The following ATAD3C variants were observed in gnomAD, a reference collection of about 807,000 sequenced individuals.
ATAD3C encodes the protein ATPase family AAA domain-containing protein 3C.
A neutral mutation model predicts 46.3 loss-of-function variants in ATAD3C; 38 were observed. The observed-to-expected ratio is 0.82, with a 90% CI of 0.63 to 1.08. ATAD3C has a LOEUF of 1.08. Among genes scored for constraint, ATAD3C ranks in the 50% least tolerant of loss-of-function variants. The pLI, the probability that ATAD3C is intolerant of heterozygous loss-of-function variation, is 0.00. For synonymous variants in ATAD3C, 220 were observed against 236.4 expected, an observed-to-expected ratio of 0.93 and a Z score of 0.63; for missense variants, 563 against 572.7, an observed-to-expected ratio of 0.98 and a Z score of 0.17.
At chr1:1,468,270 C>T in intron 11 of ATAD3C, 114 bp from the exon 12 acceptor site, 1 of 1,448,590 alleles carries the variant, frequency 6.9e-7, no homozygotes, top group Non-Finnish European at 9.1e-7. Context: ...GTGTTTCACG[C>T]TCAGGCCATC....
chr1:1,456,104 G>T, intron 6 of ATAD3C, 121 bp from the exon 7 acceptor site: 1 of 1,424,874 alleles, frequency 7.0e-7, no homozygotes. Context: ...TCTCCTGTCT[G>T]GCAGGCTGTG....
chr1:1,451,892 AC>A (rs1332808784), intron 1 of ATAD3C, among the ~76,000 whole-genome samples, 153 bp from the exon 2 acceptor site: 1 of 151,626 alleles, frequency 6.6e-6, no homozygotes, highest in Non-Finnish European at 1.5e-5. Flanking sequence ...GGCCGATGTC[AC>A]CCGTGTCTGT....
intron 11 of ATAD3C, among the ~76,000 whole-genome samples, chr1:1,468,070 G>A (rs1297622906): frequency 6.6e-6 from 1 of 151,832 alleles, no homozygotes; most frequent in East Asian, 1.9e-4. Flanking sequence ...ACACGCAGAG[G>A]GTCTGCAGTT....
rs1361501654 is a variant in ATAD3C, at chr1:1,457,256, C to A, written c.741+76C>A. The A allele has an allele frequency of 4.4e-6, 7 of 1,597,372 alleles. No individual in the cohort carries two copies. In the African/African-American group the frequency reaches 6.7e-5, roughly 15 times the overall value. ...GCGGCTGTCATCCTGGGCCAGGCCG[C>A]AGCCCACTGCTCAATTTCTTTTTCT... On this transcript the variant is annotated intron_variant, in intron 8 of 11. Transcript: ENST00000378785.
intron 1 of ATAD3C, 25 bp from the exon 2 acceptor site, chr1:1,452,019 TTC>T (rs756359829): frequency 1.2e-6 from 2 of 1,612,642 alleles, no homozygotes; most frequent in Admixed American, 1.7e-5. Context: ...TTAAAGGCTT[TTC>T]TCTTTTTCTG....
Position 1,450,379 on chromosome 1 carries a change from G to T in ATAD3C, c.-305G>T, listed in dbSNP as rs1052155004. 1.0e-4 allele frequency: 31 copies of T among 305,890 alleles called. No individual in the cohort carries two copies. Among genetic ancestry groups the T allele is most frequent in the Non-Finnish European group, 1.7e-4 (28 of 160,052 alleles). 18.9% of individuals were successfully genotyped at this position (305,890 alleles called of 1,614,324 possible). A position where few individuals can be genotyped will look rare whatever the true frequency, so the allele number is the denominator to read the frequency against. On this transcript the variant is annotated 5_prime_UTR_variant, in exon 1 of 12. Transcript: ENST00000378785. ...TGAAAAAATGGACACTTTAGCCATC[G>T]CCTGACTTTCTGTTGAATTGGGAAA...
intron 11 of ATAD3C, among the ~76,000 whole-genome samples, chr1:1,465,415 C>T (rs753237826): frequency 1.3e-5 from 2 of 150,274 alleles, no homozygotes; most frequent in Non-Finnish European, 3.0e-5. Flanking sequence ...CATGGTGAAA[C>T]CCCATCTCTG....
intron 11 of ATAD3C, among the ~76,000 whole-genome samples, chr1:1,463,046 G>A (rs928814333): frequency 2.0e-5 from 3 of 152,102 alleles, no homozygotes; most frequent in African/African-American, 7.2e-5. Context: ...ATGGTCATCA[G>A]GACAGGCCCC....
At position 1,463,110 on chromosome 1, in the gene ATAD3C, A is replaced by G. The variant is rs183396040; in HGVS notation, c.1089+402A>G. ...ACGTTGTGTTTCTTGGACCAAGTCC[A>G]TTGGCTTGGTCCTGCTTGACGGGCC... is the stretch of plus-strand genomic sequence containing the variant. On this transcript the variant is annotated intron_variant, in intron 11 of 11. Coordinates refer to ENST00000378785, the MANE Select transcript of ATAD3C (RefSeq NM_001039211.3). Among the ~76,000 whole-genome samples the G allele has an allele frequency of 3.0e-3, 453 of 152,142 alleles. 5 individuals carry two copies. The highest frequency in any genetic ancestry group is 0.01 in the African/African-American group (428 of 41,538).
rs1289886605 is a variant in ATAD3C, at chr1:1,469,999, C to T, written c.*1469C>T. ...CATTCTCCCCACCCTTGAGAATGTA[C>T]TTTGTGAGATCCATCCCCTGCCCGC... On this transcript the variant is annotated 3_prime_UTR_variant, in exon 12 of 12. Coordinates refer to ENST00000378785, the MANE Select transcript of ATAD3C (RefSeq NM_001039211.3). 6.6e-6 allele frequency: 1 copy of T among 151,948 alleles called. No individual in the cohort carries two copies. The highest frequency in any genetic ancestry group is 1.5e-5 in the Non-Finnish European group (1 of 67,974). The allele number at this position is 151,948 out of a possible 1,614,324, so 9.4% of individuals were successfully genotyped here.
At chr1:1,458,955 G>A (rs1639012539) in intron 8 of ATAD3C, among the ~76,000 whole-genome samples, 2 of 151,564 alleles carry the variant, frequency 1.3e-5, no homozygotes, top group Admixed American at 6.6e-5. Flanking sequence ...TCCCAACCTC[G>A]TGTGATCTGC....
intron 10 of ATAD3C, 148 bp downstream of exon 10, chr1:1,461,065 C>CCCCAAGGGT (rs1338516975): frequency 1.9e-6 from 2 of 1,059,004 alleles, no homozygotes; most frequent in African/African-American, 3.3e-5. Flanking sequence ...GCCCTGTGGG[C>CCCCAAGGGT]CCCAAGGGTC....
At position 1,460,821 on chromosome 1, in the gene ATAD3C, T is replaced by TG. The variant is rs1462017213; in HGVS notation, c.886dup (p.Val296GlyfsTer20). 2 of 1,612,944 alleles carry TG rather than the reference T, an allele frequency of 1.2e-6. No homozygotes were observed. Among genetic ancestry groups the TG allele is most frequent in the Non-Finnish European group, 8.5e-7 (1 of 1,179,444 alleles). ...GCCATCAATGCCTGCATCGACGTGA[T>TG]GGTCCACTTCGACCTGCCAGGGCAG... On this transcript the variant is annotated frameshift_variant, in exon 10 of 12. Transcript: ENST00000378785. LOFTEE classifies it high-confidence loss of function.
At chr1:1,451,683 G>A (rs547494478) in intron 1 of ATAD3C, among the ~76,000 whole-genome samples, 9 of 152,200 alleles carry the variant, frequency 5.9e-5, no homozygotes, top group Admixed American at 1.3e-4. Flanking sequence ...CGGGGTTCAC[G>A]TGTTGCCTGT....
intron 3 of ATAD3C, 89 bp downstream of exon 3, chr1:1,452,523 T>C: frequency 6.3e-7 from 1 of 1,596,410 alleles, no homozygotes; most frequent in East Asian, 2.2e-5. Context: ...CCCTGCTGGC[T>C]CTGCACAGGT....
intron 11 of ATAD3C, among the ~76,000 whole-genome samples, chr1:1,467,392 G>A (rs1212571976): frequency 1.3e-5 from 2 of 151,990 alleles, no homozygotes; most frequent in Non-Finnish European, 2.9e-5. Context: ...TCCGGTCAGT[G>A]TCTCCTGCGC....
intron 8 of ATAD3C, among the ~76,000 whole-genome samples, chr1:1,458,669 T>G (rs1639006347): frequency 6.6e-6 from 1 of 151,492 alleles, no homozygotes; most frequent in Admixed American, 6.6e-5. Context: ...GAGATGCTCT[T>G]GCCTTGACCT....
intron 8 of ATAD3C, among the ~76,000 whole-genome samples, chr1:1,457,595 C>CAAAAAAAAAAAAAAAAAAAAAAAAAAAA (rs777757826): frequency 2.7e-5 from 1 of 36,466 alleles, no homozygotes; most frequent in African/African-American, 1.4e-4. Context: ...GACTTCATCT[C>CAAAAAAAAAAAAAAAAAAAAAAAAAAAA]AAAAAAAAAA....
At position 1,452,060 on chromosome 1, in the gene ATAD3C, G is replaced by A; in HGVS notation, c.90G>A (p.Glu30=). The change falls in exon 2 of 12, where the codon GAG becomes GAA. Residue 30 remains glutamate (E), a synonymous_variant. Coordinates refer to ENST00000378785, the MANE Select transcript of ATAD3C (RefSeq NM_001039211.3). ...CTTCTTCTCAGCAACTTGTCAATGA[G>A]GATTTACGGAAGCAGGAGGAGTCCG... ...QQSKLKQLVN[E]DLRKQEESVQ... 6.2e-7 allele frequency: 1 copy of A among 1,613,664 alleles called. No individual in the cohort carries two copies. The highest frequency in any genetic ancestry group is 8.5e-7 in the Non-Finnish European group (1 of 1,179,648).
Sources: gnomAD v4.1 joint callset for allele counts (sites outside exome capture counted in the v4.1 genomes callset) on GRCh38, gnomAD v4.1.1 for gene constraint, MANE v1.5 for transcripts, NCBI Gene and HGNC (gene_info 2026-07-23, HGNC 2026-07-21) for gene names.